The following SPATC1L variants were observed in gnomAD, a reference collection of about 807,000 sequenced individuals.
SPATC1L encodes the protein speriolin-like protein.
A neutral mutation model predicts 21.2 loss-of-function variants in SPATC1L; 20 were observed. The ratio of observed to expected loss-of-function variants is 0.94; its 90% CI spans 0.66 to 1.37. The LOEUF (loss-of-function observed/expected upper bound fraction) is 1.37, where lower values mean the gene tolerates loss of function less well. Ranked by LOEUF, SPATC1L falls within the 40% of genes most tolerant of loss-of-function variation. The pLI is 0.00. For synonymous variants in SPATC1L, 290 were observed against 234.5 expected (o/e 1.24, Z -2.16); for missense variants, 499 against 478.7 (o/e 1.04, Z -0.40).
At chr21:46,178,316 G>A (rs2079647685) in intron 2 of SPATC1L, among the ~76,000 whole-genome samples, 1 of 150,506 alleles carries the variant, frequency 6.6e-6, no homozygotes. Context: ...ATTGTCCTCA[G>A]CAAACTAATG....
At chr21:46,177,831 A>G (rs2079643158) in intron 2 of SPATC1L, among the ~76,000 whole-genome samples, 1 of 152,246 alleles carries the variant, frequency 6.6e-6, no homozygotes, top group Non-Finnish European at 1.5e-5. Flanking sequence ...TTCACTGCAG[A>G]CTATTCACAA....
At chr21:46,163,684 T>C (rs988903118) in intron 3 of SPATC1L, among the ~76,000 whole-genome samples, 9 of 152,242 alleles carry the variant, frequency 5.9e-5, no homozygotes, top group African/African-American at 1.9e-4. Context: ...CCCATTCCAT[T>C]GCATTGATCT....
chr21:46,180,243 C>T (rs8134429), intron 2 of SPATC1L, among the ~76,000 whole-genome samples: 32,739 of 152,142 alleles, frequency 0.22, 5,296 homozygotes, highest in African/African-American at 0.45. Context: ...GGGAATGCCG[C>T]GAAATGGATC....
At chr21:46,180,934 G>C (rs1164584881) in intron 2 of SPATC1L, among the ~76,000 whole-genome samples, 1 of 152,230 alleles carries the variant, frequency 6.6e-6, no homozygotes, top group African/African-American at 2.4e-5. Flanking sequence ...GGCAGCAGCC[G>C]TGGTCATGGA....
chr21:46,161,603 T>C lies in SPATC1L; in HGVS notation c.799A>G (p.Ser267Gly). The change falls in exon 5 of 5, where the codon AGC becomes GGC. Residue 267 changes from serine to glycine, a missense_variant. By Grantham distance (56) the Ser-to-Gly change is moderately conservative (BLOSUM62 0). Coordinates refer to ENST00000291672, the MANE Select transcript of SPATC1L (RefSeq NM_001142854.2). ...CTGAACGCCGGGTGCACGTCGCGGC[T>C]GTAGCCCAGCTTCTCCAGGCGCGCG... ...LSARLEKLGY[S>G]RDVHPAFSEF... 1.9e-6 allele frequency: 3 copies of C among 1,610,514 alleles called. No homozygotes were observed. The highest frequency in any genetic ancestry group is 2.5e-6 in the Non-Finnish European group (3 of 1,179,044).
chr21:46,178,428 A>C (rs1188984946), intron 2 of SPATC1L, among the ~76,000 whole-genome samples: 1 of 152,136 alleles, frequency 6.6e-6, no homozygotes, highest in African/African-American at 2.4e-5. Flanking sequence ...ACTGAGACCT[A>C]CCAGATGGTG....
intron 2 of SPATC1L, among the ~76,000 whole-genome samples, chr21:46,173,290 C>G (rs1179533533): frequency 6.6e-6 from 1 of 152,036 alleles, no homozygotes; most frequent in Non-Finnish European, 1.5e-5. Flanking sequence ...CCCTGGGGGT[C>G]TTCACCATAG....
intron 2 of SPATC1L, among the ~76,000 whole-genome samples, chr21:46,178,232 C>CAAAAAAAAAAAAAAAAAAAAAAAAAAAA (rs59110880): frequency 2.5e-5 from 1 of 39,460 alleles, no homozygotes; most frequent in Non-Finnish European, 4.8e-5. Context: ...AACTCCATCT[C>CAAAAAAAAAAAAAAAAAAAAAAAAAAAA]AAAAAAAAAA....
At chr21:46,161,856 G>T in intron 4 of SPATC1L, 60 bp downstream of exon 4, 2 of 1,572,642 alleles carry the variant, frequency 1.3e-6, no homozygotes, top group Non-Finnish European at 1.7e-6. Flanking sequence ...TCTGGGGGCC[G>T]CACAGGGACG....
chr21:46,178,253 A>AAAC (rs1569004040), intron 2 of SPATC1L, among the ~76,000 whole-genome samples: 3 of 147,424 alleles, frequency 2.0e-5, no homozygotes, highest in Non-Finnish European at 4.5e-5. Flanking sequence ...AAAAAAAAAA[A>AAAC]AAACCAGAAT....
intron 2 of SPATC1L, among the ~76,000 whole-genome samples, chr21:46,171,366 T>C (rs62214051): frequency 0.059 from 9,015 of 151,544 alleles, 372 homozygotes; most frequent in Non-Finnish European, 0.094. Flanking sequence ...CTACTGGAGC[T>C]TGCAGTGAGC....
intron 3 of SPATC1L, among the ~76,000 whole-genome samples, chr21:46,164,829 C>T (rs1359221282): frequency 6.6e-6 from 1 of 151,156 alleles, no homozygotes; most frequent in African/African-American, 2.4e-5. Context: ...GCTCTTTCTC[C>T]CATCCCCCCA....
At position 46,168,505 on chromosome 21, in the gene SPATC1L, G is replaced by T; in HGVS notation, c.347C>A (p.Ala116Asp). 2 of 1,551,960 alleles carry T rather than the reference G, an allele frequency of 1.3e-6. No individual in the cohort carries two copies. The highest frequency in any genetic ancestry group is 1.7e-6 in the Non-Finnish European group (2 of 1,145,974). The change falls in exon 3 of 5, where the codon GCC becomes GAC. Residue 116 changes from alanine to aspartate, a missense_variant. Ala to Asp is a moderately radical substitution (Grantham distance 126). Coordinates refer to ENST00000291672, the MANE Select transcript of SPATC1L (RefSeq NM_001142854.2). ...CAAPSQAPFKAFLSPPEPHSH... is the reference protein window; with the variant it reads ...CAAPSQAPFKDFLSPPEPHSH... Reference sequence around the variant, plus strand: ...ATGTGGCTCTGGGGGACTGAGGAAGGCCTTGAAGGGTGCCTGGGAGGGGGC... The same window carrying T: ...ATGTGGCTCTGGGGGACTGAGGAAGTCCTTGAAGGGTGCCTGGGAGGGGGC...
At chr21:46,178,232 CAAAAAAAAAAAAAA>C (rs59110880) in intron 2 of SPATC1L, among the ~76,000 whole-genome samples, 1 of 39,460 alleles carries the variant, frequency 2.5e-5, no homozygotes, top group Non-Finnish European at 4.8e-5. Context: ...AACTCCATCT[CAAAAAAAAAAAAAA>C]AAAAAAAAAA....
Position 46,161,366 on chromosome 21 carries a change from G to T in SPATC1L, c.*13C>A. On this transcript the variant is annotated 3_prime_UTR_variant, in exon 5 of 5. Transcript: ENST00000291672. ...CGCGTTTACTGCAGGCAAGGCGGCG[G>T]GCGCGGGGCGGCTCACCAGGCGAAG... 1 of 1,498,876 alleles carries T rather than the reference G, an allele frequency of 6.7e-7. No individual in the cohort carries two copies. Among genetic ancestry groups the T allele is most frequent in the Non-Finnish European group, 8.9e-7 (1 of 1,129,296 alleles). 92.8% of individuals were successfully genotyped at this position (1,498,876 alleles called of 1,614,324 possible).
In SPATC1L at chr21:46,161,880, G is replaced by A. The variant is rs370273880; in HGVS notation, c.696+36C>T. 14 of 1,594,964 alleles carry A rather than the reference G, an allele frequency of 8.8e-6. 1 individual carries two copies. The highest frequency in any genetic ancestry group is 2.7e-5 in the African/African-American group (2 of 74,762). ...CGCACAGGGACGGACCGAGCGCCCC[G>A]CACCCTCCTGGCCGCGCCCTCCCCA... On this transcript the variant is annotated intron_variant, in intron 4 of 4. Coordinates refer to ENST00000291672, the MANE Select transcript of SPATC1L (RefSeq NM_001142854.2).
chr21:46,171,012 C>T (rs1354858082), intron 2 of SPATC1L, among the ~76,000 whole-genome samples: 1 of 151,950 alleles, frequency 6.6e-6, no homozygotes, highest in Non-Finnish European at 1.5e-5. Flanking sequence ...TGTGAACATC[C>T]TTTGTGGATG....
At chr21:46,164,799 A>G (rs1919207222) in intron 3 of SPATC1L, among the ~76,000 whole-genome samples, 1 of 151,560 alleles carries the variant, frequency 6.6e-6, no homozygotes, top group South Asian at 2.1e-4. Flanking sequence ...CTCAAGAAAA[A>G]AAAAAAAAAA....
chr21:46,177,158 AC>A (rs1444425138), intron 2 of SPATC1L, among the ~76,000 whole-genome samples: 1 of 152,250 alleles, frequency 6.6e-6, no homozygotes, highest in Non-Finnish European at 1.5e-5. Flanking sequence ...AACTATAAAA[AC>A]CCTGGAAGAC....
Sources: gnomAD v4.1 joint callset for allele counts (sites outside exome capture counted in the v4.1 genomes callset) on GRCh38, gnomAD v4.1.1 for gene constraint, MANE v1.5 for transcripts, NCBI Gene and HGNC (gene_info 2026-07-23, HGNC 2026-07-21) for gene names.